SLC16A2: variants seen among roughly 807,000 people sequenced by gnomAD.
SLC16A2 encodes the protein solute carrier family 16 member 2.
In SLC16A2, 3 loss-of-function variants were observed where a neutral mutation model predicts 27.2. The ratio of observed to expected loss-of-function variants is 0.11; its 90% CI spans 0.05 to 0.28. The LOEUF (loss-of-function observed/expected upper bound fraction) is 0.28. SLC16A2 is among the 10% of genes least tolerant of loss of function. The probability of loss-of-function intolerance (pLI) is 1.00; values close to 1 mark genes in which losing one functional copy is unlikely to be tolerated. For synonymous variants in SLC16A2, 202 were observed against 187.8 expected, an observed-to-expected ratio of 1.08 and a Z score of -0.62; for missense variants, 295 against 458.5, an observed-to-expected ratio of 0.64 and a Z score of 3.26.
intron 1 of SLC16A2, among the ~76,000 whole-genome samples, chrX:74,494,620 C>T (rs1929899888): frequency 9.0e-6 from 1 of 111,369 alleles, no homozygotes; most frequent in Admixed American, 9.6e-5. Flanking sequence ...ATGAGTTCCT[C>T]CTTATGAATA....
At chrX:74,431,564 C>T (rs1928534996) in intron 1 of SLC16A2, among the ~76,000 whole-genome samples, 1 of 111,702 alleles carries the variant, frequency 9.0e-6, no homozygotes, top group Admixed American at 9.5e-5. Context: ...CACCAAACCT[C>T]AGCAACATGA....
intron 1 of SLC16A2, among the ~76,000 whole-genome samples, chrX:74,434,391 G>A (rs1928584184): frequency 8.9e-6 from 1 of 112,039 alleles, no homozygotes; most frequent in African/African-American, 3.2e-5. Context: ...GCAGAGAAAT[G>A]GACAGTTGGG....
chrX:74,482,990 G>A (rs1929652089), intron 1 of SLC16A2, among the ~76,000 whole-genome samples: 1 of 111,957 alleles, frequency 8.9e-6, no homozygotes, highest in African/African-American at 3.2e-5. Context: ...ACAGACATGA[G>A]CCACCCTGAC....
intron 1 of SLC16A2, among the ~76,000 whole-genome samples, chrX:74,493,320 C>T (rs1484074444): frequency 4.5e-5 from 5 of 111,778 alleles, no homozygotes; most frequent in Admixed American, 9.4e-5. Context: ...TCCATTTGAG[C>T]GTGAAGAGAG....
intron 1 of SLC16A2, among the ~76,000 whole-genome samples, chrX:74,452,495 A>T (rs1928960855): frequency 8.9e-6 from 1 of 111,818 alleles, no homozygotes; most frequent in Admixed American, 9.5e-5. Flanking sequence ...TAAGCATTTT[A>T]AAAATAATAT....
intron 1 of SLC16A2, among the ~76,000 whole-genome samples, chrX:74,459,943 C>T (rs1929107122): frequency 9.0e-6 from 1 of 111,353 alleles, no homozygotes; most frequent in Non-Finnish European, 1.9e-5. Flanking sequence ...ATGTCAGGGC[C>T]GTGGAAGGAA....
chrX:74,529,621 G>A (rs1325934848), intron 5 of SLC16A2, among the ~76,000 whole-genome samples, 180 bp downstream of exon 5: 1 of 111,078 alleles, frequency 9.0e-6, no homozygotes, highest in African/African-American at 3.3e-5. Context: ...CAGTACACAC[G>A]CATGGATCCA....
intron 2 of SLC16A2, among the ~76,000 whole-genome samples, chrX:74,524,001 C>A (rs1472439323): frequency 2.7e-5 from 3 of 111,731 alleles, no homozygotes; most frequent in African/African-American, 9.8e-5. Context: ...AAGACAATGA[C>A]TCCCTGTAGC....
At chrX:74,452,123 G>T (rs762218600) in intron 1 of SLC16A2, among the ~76,000 whole-genome samples, 1 of 112,415 alleles carries the variant, frequency 8.9e-6, no homozygotes, top group African/African-American at 3.2e-5. Context: ...CCCCCAAGGC[G>T]CCCTCCAGAC....
At position 74,504,156 on chromosome X, in the gene SLC16A2, G is replaced by C. The variant is rs553084131; in HGVS notation, c.431-16834G>C. On this transcript the variant is annotated intron_variant, in intron 1 of 5. Transcript: ENST00000587091. ...TCTAATGAGATAAGTGCTGAAAAAGGGTTTTGGGAGATAAAAGAACTCTAC... is the reference window on the plus strand; with the variant it reads ...TCTAATGAGATAAGTGCTGAAAAAGCGTTTTGGGAGATAAAAGAACTCTAC... Among the ~76,000 whole-genome samples the C allele has an allele frequency of 9.8e-5, 11 of 111,722 alleles. No homozygotes were observed. In the South Asian group the frequency reaches 4.1e-3, roughly 42 times the overall value.
At chrX:74,484,618 A>G (rs1404133695) in intron 1 of SLC16A2, among the ~76,000 whole-genome samples, 1 of 112,399 alleles carries the variant, frequency 8.9e-6, no homozygotes, top group Non-Finnish European at 1.9e-5. Flanking sequence ...CTCTCAGGTT[A>G]AATTTTAAGA....
chrX:74,448,679 A>T (rs2147844541), intron 1 of SLC16A2, among the ~76,000 whole-genome samples: 1 of 110,847 alleles, frequency 9.0e-6, no homozygotes, highest in South Asian at 3.8e-4. Context: ...CCTTCCTTCA[A>T]AAAGCAAGGC....
chrX:74,482,842 C>T (rs139383036), intron 1 of SLC16A2, among the ~76,000 whole-genome samples: 5,679 of 110,385 alleles, frequency 0.051, 151 homozygotes, highest in African/African-American at 0.11. Flanking sequence ...GGACCACAGC[C>T]ATCTGCCACC....
chrX:74,435,202 T>C (rs1275569766), intron 1 of SLC16A2, among the ~76,000 whole-genome samples: 1 of 110,603 alleles, frequency 9.0e-6, no homozygotes, highest in Non-Finnish European at 1.9e-5. Flanking sequence ...AATTTCATCA[T>C]GTGCCAATAT....
At chrX:74,479,266 T>C (rs1294949383) in intron 1 of SLC16A2, among the ~76,000 whole-genome samples, 1 of 112,404 alleles carries the variant, frequency 8.9e-6, no homozygotes, top group Non-Finnish European at 1.9e-5. Context: ...TTTCTTCCAG[T>C]TGATCGAATT....
At chrX:74,493,564 A>C (rs923401344) in intron 1 of SLC16A2, among the ~76,000 whole-genome samples, 2 of 112,289 alleles carry the variant, frequency 1.8e-5, no homozygotes, top group Non-Finnish European at 3.8e-5. Flanking sequence ...CCTAAGAAGA[A>C]CCCTGCCCTC....
chrX:74,531,836 C>T lies in SLC16A2; in HGVS notation c.*283C>T, dbSNP rs1464928365. 5.1e-6 allele frequency: 2 copies of T among 389,630 alleles called. No individual in the cohort carries two copies. The highest frequency in any genetic ancestry group is 9.0e-6 in the Non-Finnish European group (2 of 221,369). 32.1% of individuals were successfully genotyped at this position (389,630 alleles called of 1,213,427 possible). The stretch of plus-strand genomic sequence containing the variant: ...GGAACCTCTCCATATACTTTCTAAG[C>T]TCTGGGGGAGGAGGAGGATGGGACC... On this transcript the variant is annotated 3_prime_UTR_variant, in exon 6 of 6. Coordinates refer to ENST00000587091, the MANE Select transcript of SLC16A2 (RefSeq NM_006517.5).
At position 74,515,647 on chromosome X, in the gene SLC16A2, G is replaced by GCA. The variant is rs751936813; in HGVS notation, c.431-5322_431-5321dup. Among the ~76,000 whole-genome samples the GCA allele has an allele frequency of 8.7e-3, 934 of 107,108 alleles. 4 individuals carry two copies. The highest frequency in any genetic ancestry group is 0.011 in the Non-Finnish European group (549 of 51,421). 93.0% of individuals were successfully genotyped at this position (107,108 alleles called of 115,157 possible). On this transcript the variant is annotated intron_variant, in intron 1 of 5. Transcript: ENST00000587091. Reference sequence around the variant, plus strand: ...TAAACACACAGACATGCACGTGCATGCACACACACACACACACACACATCT... The same window carrying GCA: ...TAAACACACAGACATGCACGTGCATGCACACACACACACACACACACACATCT...
At position 74,533,097 on chromosome X, in the gene SLC16A2, A is replaced by G. The variant is rs1472814782; in HGVS notation, c.*1544A>G. On this transcript the variant is annotated 3_prime_UTR_variant, in exon 6 of 6. Transcript: ENST00000587091. ...TGTTCCTGTCACCCACCCTTTCATC[A>G]TCTTTTTGCCAGGCATTCCTGGCTG... The G allele has an allele frequency of 9.0e-6, 1 of 111,376 alleles. No individual in the cohort carries two copies. The highest frequency in any genetic ancestry group is 1.9e-5 in the Non-Finnish European group (1 of 52,875). The allele number at this position is 111,376 out of a possible 1,213,427, so 9.2% of individuals were successfully genotyped here.
Sources: gnomAD v4.1 joint callset for allele counts (sites outside exome capture counted in the v4.1 genomes callset) on GRCh38, gnomAD v4.1.1 for gene constraint, MANE v1.5 for transcripts, NCBI Gene and HGNC (gene_info 2026-07-23, HGNC 2026-07-21) for gene names.